The following CSNK1G1 variants were observed in gnomAD, a reference collection of about 807,000 sequenced individuals.
CSNK1G1 encodes casein kinase I isoform gamma-1.
A neutral mutation model predicts 59.6 loss-of-function variants in CSNK1G1; 22 were observed. That is an observed-to-expected ratio of 0.37 (90% CI 0.26 to 0.53). The LOEUF is 0.53. Ranked by LOEUF, CSNK1G1 falls within the 20% of genes least tolerant of loss-of-function variation. CSNK1G1 has a pLI of 0.89. For synonymous variants in CSNK1G1, 179 were observed against 177.1 expected, an observed-to-expected ratio of 1.01 and a Z score of -0.08; for missense variants, 384 against 519.5, an observed-to-expected ratio of 0.74 and a Z score of 2.54.
intron 1 of CSNK1G1, among the ~76,000 whole-genome samples, chr15:64,340,210 T>A (rs1034194954): frequency 3.3e-5 from 5 of 152,342 alleles, no homozygotes; most frequent in African/African-American, 1.2e-4. Flanking sequence ...ATTACAGAAA[T>A]TTTGGATTCC....
In CSNK1G1 at chr15:64,176,037, G is replaced by C. The variant is rs74019221; in HGVS notation, c.1215-4052C>G. Among the ~76,000 whole-genome samples, 10,194 of 152,318 alleles carry C rather than the reference G, an allele frequency of 0.067. 1,056 individuals are homozygous for C. Among genetic ancestry groups the C allele is most frequent in the African/African-American group, 0.22 (9,240 of 41,546 alleles). On this transcript the variant is annotated intron_variant, in intron 11 of 11. Coordinates refer to ENST00000303052, the MANE Select transcript of CSNK1G1 (RefSeq NM_022048.5). The surrounding 1 kb of genome is among the most constrained non-coding windows in gnomAD (Gnocchi z 5.2). ...GATACTGTGGGATACTGTTATGGCA[G>C]GAGGAGACAGCGATAAGATGGGTTT...
At chr15:64,248,813 T>C (rs1375561564) in intron 4 of CSNK1G1, among the ~76,000 whole-genome samples, 1 of 151,786 alleles carries the variant, frequency 6.6e-6, no homozygotes, top group Non-Finnish European at 1.5e-5. Flanking sequence ...TGAAACCCCG[T>C]CTCTACTAAA....
intron 2 of CSNK1G1, among the ~76,000 whole-genome samples, chr15:64,280,493 G>A (rs1894064888): frequency 6.6e-6 from 1 of 151,832 alleles, no homozygotes; most frequent in Admixed American, 6.6e-5. Flanking sequence ...TTAGCTTCCT[G>A]GGTTCAAGCG....
At position 64,166,166 on chromosome 15, in the gene CSNK1G1, T is replaced by C. The variant is rs2081600739; in HGVS notation, c.*5765A>G. 1 of 494,806 alleles carries C rather than the reference T, an allele frequency of 2.0e-6. No homozygotes were observed. The highest frequency in any genetic ancestry group is 3.6e-6 in the Non-Finnish European group (1 of 280,044). The allele number at this position is 494,806 out of a possible 1,614,324, so 30.7% of individuals were successfully genotyped here. On this transcript the variant is annotated 3_prime_UTR_variant, in exon 12 of 12. Transcript: ENST00000303052. The surrounding 1 kb of genome is among the most constrained non-coding windows in gnomAD (Gnocchi z 4.5). ...AAAACTGATTTCCACTGCTGATTTATACATTATCTAGTTGTTTAAAAATCG... is the reference window on the plus strand; with the variant it reads ...AAAACTGATTTCCACTGCTGATTTACACATTATCTAGTTGTTTAAAAATCG...
intron 10 of CSNK1G1, among the ~76,000 whole-genome samples, chr15:64,191,874 A>G (rs558484982): frequency 6.6e-6 from 1 of 152,208 alleles, no homozygotes; most frequent in African/African-American, 2.4e-5. Flanking sequence ...TTTCGGTAAG[A>G]TGTTAAATTC....
At chr15:64,297,093 T>C (rs1895068252) in intron 2 of CSNK1G1, among the ~76,000 whole-genome samples, 1 of 151,624 alleles carries the variant, frequency 6.6e-6, no homozygotes, top group African/African-American at 2.4e-5. Flanking sequence ...TAAATAACAG[T>C]AAACAATACA....
At chr15:64,178,993 C>T (rs1433886835) in intron 11 of CSNK1G1, among the ~76,000 whole-genome samples, 3 of 152,076 alleles carry the variant, frequency 2.0e-5, no homozygotes, top group African/African-American at 7.2e-5. Flanking sequence ...TCAAGTGATC[C>T]TCCTGCCTCA....
At chr15:64,232,869 T>G (rs555277883) in intron 4 of CSNK1G1, among the ~76,000 whole-genome samples, 1 of 152,212 alleles carries the variant, frequency 6.6e-6, no homozygotes, top group East Asian at 1.9e-4. Flanking sequence ...GGTCAAAATA[T>G]GACATAGAAT....
At chr15:64,340,041 T>C (rs1897604420) in intron 1 of CSNK1G1, among the ~76,000 whole-genome samples, 1 of 152,242 alleles carries the variant, frequency 6.6e-6, no homozygotes, top group Non-Finnish European at 1.5e-5. Flanking sequence ...GTTATTTAGA[T>C]GTGTTCTTTT....
chr15:64,236,425 T>C (rs1308893668), intron 4 of CSNK1G1, among the ~76,000 whole-genome samples: 11 of 152,026 alleles, frequency 7.2e-5, no homozygotes, highest in Admixed American at 4.6e-4. Flanking sequence ...AACCAGAATA[T>C]ACAAGGAACT....
rs777804929 is a variant in CSNK1G1, at chr15:64,188,924, G to C, written c.1108-8470C>G. On this transcript the variant is annotated intron_variant, in intron 10 of 11. Coordinates refer to ENST00000303052, the MANE Select transcript of CSNK1G1 (RefSeq NM_022048.5). This position sits in a 1 kb window ranked among gnomAD's most constrained non-coding sequence, Gnocchi z 4.2. ...GGGCGGATCACGAGGTCTGGAGTTCGAGACCAGCCTGACCAACATGGTGAA... is the reference window on the plus strand; with the variant it reads ...GGGCGGATCACGAGGTCTGGAGTTCCAGACCAGCCTGACCAACATGGTGAA... 6.6e-6 allele frequency among the ~76,000 whole-genome samples: 1 copy of C among 152,084 alleles called. No homozygotes were observed.
Position 64,165,810 on chromosome 15 carries a change from AG to A in CSNK1G1, c.*6120del, listed in dbSNP as rs2081596203. On this transcript the variant is annotated 3_prime_UTR_variant, in exon 12 of 12. Transcript: ENST00000303052. Reference sequence around the variant, plus strand: ...AGTCCTTTCCTCCCCAAACTGGGGAAGAGGTATACTTAAAGATCACATTTGT... The same window carrying A: ...AGTCCTTTCCTCCCCAAACTGGGGAAAGGTATACTTAAAGATCACATTTGT... 1 of 400,802 alleles carries A rather than the reference AG, an allele frequency of 2.5e-6. No homozygotes were observed. Among genetic ancestry groups the A allele is most frequent in the African/African-American group, 2.1e-5 (1 of 48,502 alleles). The allele number at this position is 400,802 out of a possible 1,614,324, so 24.8% of individuals were successfully genotyped here. A position where few individuals can be genotyped will look rare whatever the true frequency, so the allele number is the denominator to read the frequency against.
In CSNK1G1 at chr15:64,300,416, T is replaced by C. The variant is rs537762078; in HGVS notation, c.84A>G (p.Pro28=). Reference sequence around the variant, plus strand: ...CCCCAGAGGACGATGAGGAGCCAGATGGTCGAGAGCAGTGTGCACTCCTTT... The same window carrying C: ...CCCCAGAGGACGATGAGGAGCCAGACGGTCGAGAGCAGTGTGCACTCCTTT... ...MAQRSAHCSR[P]SGSSSSSGVL... Residue 28 remains proline (P), a synonymous_variant, in exon 2 of 12, where the codon CCA becomes CCG. Transcript: ENST00000303052. The C allele has an allele frequency of 4.3e-6, 7 of 1,614,204 alleles. No homozygotes were observed. In the Admixed American group the frequency reaches 5.0e-5, roughly 12 times the overall value.
At chr15:64,314,628 C>A (rs1896175570) in intron 1 of CSNK1G1, among the ~76,000 whole-genome samples, 1 of 150,982 alleles carries the variant, frequency 6.6e-6, no homozygotes, top group South Asian at 2.1e-4. Context: ...CATGGTCTCA[C>A]CACTTTCTCA....
chr15:64,181,405 A>G (rs1331330257), intron 10 of CSNK1G1: 2 of 1,533,162 alleles, frequency 1.3e-6, no homozygotes, highest in Non-Finnish European at 1.7e-6. Context: ...TGCTGGACAA[A>G]ACACTCTGCT....
At chr15:64,173,051 A>T (rs2081694163) in intron 11 of CSNK1G1, among the ~76,000 whole-genome samples, 2 of 152,204 alleles carry the variant, frequency 1.3e-5, no homozygotes. Context: ...GAGGGCAGTA[A>T]AGTTGGAAGC....
chr15:64,234,189 C>CAG (rs2082585213), intron 4 of CSNK1G1, among the ~76,000 whole-genome samples: 1 of 152,122 alleles, frequency 6.6e-6, no homozygotes, highest in Non-Finnish European at 1.5e-5. Flanking sequence ...TAGTGCTGCT[C>CAG]AGATATTTTC....
Position 64,214,051 on chromosome 15 carries a change from C to T in CSNK1G1, c.518G>A (p.Gly173Asp). Residue 173 changes from glycine (G) to aspartate (D), a missense_variant, in exon 6 of 12, where the codon GGT becomes GAT. Transcript: ENST00000303052. This position sits in a 1 kb window ranked among gnomAD's most constrained non-coding sequence, Gnocchi z 4.3. ...ATGCTCTTTCTTATTGCCTTGTCGACCAATCAGGAAGTTCTCTGGCTTGAC... is the reference window on the plus strand; with the variant it reads ...ATGCTCTTTCTTATTGCCTTGTCGATCAATCAGGAAGTTCTCTGGCTTGAC... Reference protein sequence around the residue: ...RDVKPENFLIGRQGNKKEHVI... With the variant: ...RDVKPENFLIDRQGNKKEHVI... 2 of 1,614,038 alleles carry T rather than the reference C, an allele frequency of 1.2e-6. No individual in the cohort carries two copies. Among genetic ancestry groups the T allele is most frequent in the Non-Finnish European group, 1.7e-6 (2 of 1,179,990 alleles).
In CSNK1G1 at chr15:64,305,086, C is replaced by T. The variant is rs145675534; in HGVS notation, c.-224-4363G>A. Among the ~76,000 whole-genome samples, 38 of 152,156 alleles carry T rather than the reference C, an allele frequency of 2.5e-4. No individual in the cohort carries two copies. In the East Asian group the frequency reaches 5.8e-3, roughly 23 times the overall value. Reference sequence around the variant, plus strand: ...TTTTTTTTTAAATTATGTTGGTCAACGATAAAAATTCTTCTAAGAAACACC... The same window carrying T: ...TTTTTTTTTAAATTATGTTGGTCAATGATAAAAATTCTTCTAAGAAACACC... On this transcript the variant is annotated intron_variant, in intron 1 of 11. Transcript: ENST00000303052.
Sources: gnomAD v4.1 joint callset for allele counts (sites outside exome capture counted in the v4.1 genomes callset) on GRCh38, gnomAD v4.1.1 for gene constraint, Gnocchi (gnomAD v3.1) non-coding constraint, MANE v1.5 for transcripts, NCBI Gene and HGNC (gene_info 2026-07-23, HGNC 2026-07-21) for gene names.